The following GBF1 variants were observed in gnomAD, a reference collection of about 807,000 sequenced individuals.
The protein encoded by GBF1 is Golgi-specific brefeldin A-resistance guanine nucleotide exchange factor 1.
Under a neutral mutation model 210.5 loss-of-function variants are expected in GBF1, and 114 were observed. The ratio of observed to expected loss-of-function variants is 0.54; its 90% CI spans 0.47 to 0.63. The LOEUF (loss-of-function observed/expected upper bound fraction) is 0.63, where lower values mean the gene tolerates loss of function less well. Among genes scored for constraint, GBF1 ranks in the 30% least tolerant of loss-of-function variants. The probability of loss-of-function intolerance (pLI) is 0.00; values close to 1 mark genes in which losing one functional copy is unlikely to be tolerated. For missense variants in GBF1, 1,851 were observed against 2,357.7 expected (o/e 0.79, Z 4.45); for synonymous variants, 850 against 889.2 (o/e 0.96, Z 0.78).
chr10:102,363,840 G>C lies in GBF1; in HGVS notation c.2106+42G>C. On this transcript the variant is annotated intron_variant, in intron 17 of 39. Coordinates refer to ENST00000369983, the MANE Select transcript of GBF1 (RefSeq NM_001377137.1). The surrounding 1 kb of genome is among the most constrained non-coding windows in gnomAD (Gnocchi z 4.2). ...CCCAGCCTCTGTCCACCTCTGTCTG[G>C]GTGTCCAGTGTTGTAGGGTTTCCAT... 1 of 1,172,618 alleles carries C rather than the reference G, an allele frequency of 8.5e-7. No homozygotes were observed. The highest frequency in any genetic ancestry group is 1.3e-6 in the Non-Finnish European group (1 of 779,082). 72.6% of individuals were successfully genotyped at this position (1,172,618 alleles called of 1,614,324 possible).
Position 102,381,235 on chromosome 10 carries a change from C to T in GBF1, c.5282C>T (p.Pro1761Leu), listed in dbSNP as rs777308112. Residue 1761 changes from proline (P) to leucine (L), a missense_variant, in exon 39 of 40, where the codon CCA becomes CTA. Physicochemically the swap from Pro to Leu is moderately conservative, Grantham distance 98. Transcript: ENST00000369983. The part of the protein sequence containing the change: ...TPGHPPPPEI[P>L]SELGACDFEK... Reference sequence around the variant, plus strand: ...GGCCATCCACCGCCCCCAGAGATTCCATCTGAGCTGGGGGCCTGTGGTGAG... The same window carrying T: ...GGCCATCCACCGCCCCCAGAGATTCTATCTGAGCTGGGGGCCTGTGGTGAG... The T allele has an allele frequency of 6.2e-7, 1 of 1,613,848 alleles. No homozygotes were observed. The highest frequency in any genetic ancestry group is 8.5e-7 in the Non-Finnish European group (1 of 1,179,942).
At position 102,302,110 on chromosome 10, in the gene GBF1, GA is replaced by G. The variant is rs551226614; in HGVS notation, c.164-41936del. On this transcript the variant is annotated intron_variant, in intron 3 of 39. Transcript: ENST00000369983. ...AAACCCCGTCTCCACCAAAAAAATA[GA>G]AAAACCAGTCAGGCGTGGCGGCGCG... is the stretch of plus-strand genomic sequence containing the variant. Among the ~76,000 whole-genome samples, 36 of 152,084 alleles carry G rather than the reference GA, an allele frequency of 2.4e-4. No homozygotes were observed. In the South Asian group the frequency reaches 7.5e-3, roughly 32 times the overall value.
At chr10:102,381,076 T>G (rs1369968802) in intron 38 of GBF1, 51 bp from the exon 39 acceptor site, 1 of 1,584,308 alleles carries the variant, frequency 6.3e-7, no homozygotes, top group African/African-American at 1.3e-5. Flanking sequence ...AGGGCTCTGC[T>G]GGAGAGAGAA....
intron 3 of GBF1, among the ~76,000 whole-genome samples, chr10:102,269,135 C>T (rs1451814430): frequency 2.0e-5 from 3 of 152,232 alleles, no homozygotes; most frequent in Non-Finnish European, 4.4e-5. Flanking sequence ...TCTGTAACAT[C>T]AGCATTCTGT....
chr10:102,305,681 G>A (rs1044224044), intron 3 of GBF1, among the ~76,000 whole-genome samples: 2 of 151,928 alleles, frequency 1.3e-5, no homozygotes, highest in African/African-American at 2.4e-5. Context: ...CGTTCTTGTC[G>A]CCCAGGCTGG....
intron 3 of GBF1, among the ~76,000 whole-genome samples, chr10:102,273,665 C>A (rs1283287463): frequency 6.6e-6 from 1 of 152,160 alleles, no homozygotes; most frequent in African/African-American, 2.4e-5. Context: ...GCACCTTAGC[C>A]CCCTTGACTT....
At chr10:102,297,964 T>C (rs1234308172) in intron 3 of GBF1, among the ~76,000 whole-genome samples, 1 of 152,210 alleles carries the variant, frequency 6.6e-6, no homozygotes, top group Non-Finnish European at 1.5e-5. Context: ...AGACAGAGTC[T>C]AGCTCTGTTA....
chr10:102,299,339 G>GGGGTA (rs1003931369), intron 3 of GBF1, among the ~76,000 whole-genome samples: 2 of 152,144 alleles, frequency 1.3e-5, no homozygotes, highest in African/African-American at 2.4e-5. Context: ...TGACTACCAT[G>GGGGTA]GGGTAGTATG....
At position 102,367,572 on chromosome 10, in the gene GBF1, T is replaced by C; in HGVS notation, c.2642+12T>C. On this transcript the variant is annotated intron_variant, in intron 21 of 39. Coordinates refer to ENST00000369983, the MANE Select transcript of GBF1 (RefSeq NM_001377137.1). ...TACCATGCCATCAAGTGAGTATACA[T>C]AGAGAATAGTGCAGTATCTCTGTTA... The C allele has an allele frequency of 1.5e-6, 2 of 1,375,944 alleles. No individual in the cohort carries two copies. Among genetic ancestry groups the C allele is most frequent in the Non-Finnish European group, 2.1e-6 (2 of 962,124 alleles). 85.2% of individuals were successfully genotyped at this position (1,375,944 alleles called of 1,614,324 possible). A position where few individuals can be genotyped will look rare whatever the true frequency, so the allele number is the denominator to read the frequency against.
intron 3 of GBF1, among the ~76,000 whole-genome samples, chr10:102,260,473 CTTCTT>C (rs1339917622): frequency 6.7e-5 from 5 of 74,796 alleles, no homozygotes; most frequent in East Asian, 4.4e-4. Flanking sequence ...ATTTTCCTTT[CTTCTT>C]TTTTTTTTTT....
intron 4 of GBF1, 150 bp from the exon 5 acceptor site, chr10:102,351,106 C>T (rs1280297157): frequency 4.2e-6 from 2 of 481,862 alleles, no homozygotes; most frequent in Admixed American, 3.6e-5. Flanking sequence ...AAAAAAAAAT[C>T]AGTTGTGGGC....
intron 3 of GBF1, among the ~76,000 whole-genome samples, chr10:102,285,350 C>T (rs966474897): frequency 2.0e-5 from 3 of 152,214 alleles, no homozygotes; most frequent in Non-Finnish European, 2.9e-5. Context: ...TTCCTGCTCA[C>T]AGAATAACCT....
intron 3 of GBF1, among the ~76,000 whole-genome samples, chr10:102,312,354 G>A (rs1476888693): frequency 7.2e-5 from 11 of 152,004 alleles, no homozygotes; most frequent in African/African-American, 2.2e-4. Flanking sequence ...CTGCTGTGGG[G>A]TTGAGGAACA....
intron 3 of GBF1, among the ~76,000 whole-genome samples, chr10:102,260,658 A>G (rs1477895812): frequency 2.0e-5 from 3 of 151,092 alleles, no homozygotes; most frequent in Admixed American, 2.0e-4. Context: ...TTGTATTTTT[A>G]GTAGAGACGG....
intron 3 of GBF1, among the ~76,000 whole-genome samples, chr10:102,301,858 G>C (rs2077397793): frequency 6.6e-6 from 1 of 152,214 alleles, no homozygotes; most frequent in African/African-American, 2.4e-5. Context: ...CTTCCCAGAA[G>C]GGGTGGCGGC....
chr10:102,376,389 G>T lies in GBF1; in HGVS notation c.4004G>T (p.Arg1335Leu). Residue 1335 changes from arginine to leucine, a missense_variant, in exon 31 of 40, where the codon CGA (arginine) becomes CTA (leucine). Around this residue, in one of 3 missense-constraint regions of GBF1, gnomAD observed 967 missense variants for 1,247.7 expected, o/e 0.78. Transcript: ENST00000369983. ...TDHGRPGKIH[R>L]SATDADVVNS... Reference sequence around the variant, plus strand: ...CATGGCAGGCCGGGCAAGATACACCGATCAGCCACAGATGCCGATGTGGTC... The same window carrying T: ...CATGGCAGGCCGGGCAAGATACACCTATCAGCCACAGATGCCGATGTGGTC... The T allele has an allele frequency of 1.2e-6, 2 of 1,614,142 alleles. No individual in the cohort carries two copies. The highest frequency in any genetic ancestry group is 2.2e-5 in the East Asian group (1 of 44,880).
At chr10:102,375,029 C>G (rs776485140) in intron 29 of GBF1, among the ~76,000 whole-genome samples, 1 of 151,696 alleles carries the variant, frequency 6.6e-6, no homozygotes, top group Admixed American at 6.6e-5. Context: ...AAAAAATTAG[C>G]CAGGTGTGGT....
intron 3 of GBF1, among the ~76,000 whole-genome samples, chr10:102,293,265 A>G (rs2076589302): frequency 6.6e-6 from 1 of 152,232 alleles, no homozygotes; most frequent in African/African-American, 2.4e-5. Flanking sequence ...AGCCATCATA[A>G]TGTCATAGTA....
chr10:102,335,632 T>G (rs2057676651), intron 3 of GBF1, among the ~76,000 whole-genome samples: 1 of 152,186 alleles, frequency 6.6e-6, no homozygotes. Context: ...CTGGATTTGA[T>G]TCCTGTTTCC....
Sources: allele counts gnomAD v4.1 joint callset (sites outside exome capture counted in the v4.1 genomes callset), GRCh38; gene constraint gnomAD v4.1.1; regional missense constraint gnomAD v4.1.1; non-coding constraint Gnocchi (gnomAD v3.1); transcripts MANE v1.5; gene names NCBI Gene and HGNC (gene_info 2026-07-23, HGNC 2026-07-21).